The following KCNJ6 variants were observed in gnomAD, a reference collection of about 807,000 sequenced individuals.
KCNJ6 encodes the protein G protein-activated inward rectifier potassium channel 2.
KCNJ6 carries 9 observed loss-of-function variants against 34.2 expected under a neutral mutation model. The observed-to-expected ratio is 0.26, with a 90% CI of 0.16 to 0.46. The LOEUF (loss-of-function observed/expected upper bound fraction) is 0.46. Among genes scored for constraint, KCNJ6 ranks in the 20% least tolerant of loss-of-function variants. The pLI is 1.00. For synonymous variants in KCNJ6, 196 were observed against 207.1 expected, an observed-to-expected ratio of 0.95 and a Z score of 0.46; for missense variants, 236 against 531.3, an observed-to-expected ratio of 0.44 and a Z score of 5.46.
chr21:37,685,353 G>T (rs902022642), intron 3 of KCNJ6, among the ~76,000 whole-genome samples: 135 of 151,068 alleles, frequency 8.9e-4, no homozygotes, highest in Non-Finnish European at 1.4e-3. Context: ...AGCAAAATAT[G>T]CATATCCTCT....
Position 37,611,897 on chromosome 21 carries a change from C to A in KCNJ6, c.*13262G>T, listed in dbSNP as rs957249015. The A allele has an allele frequency of 6.6e-6, 1 of 151,690 alleles. No homozygotes were observed. The highest frequency in any genetic ancestry group is 2.4e-5 in the African/African-American group (1 of 41,320). The allele number at this position is 151,690 out of a possible 1,614,324, so 9.4% of individuals were successfully genotyped here. A position where few individuals can be genotyped will look rare whatever the true frequency, so the allele number is the denominator to read the frequency against. Reference sequence around the variant, plus strand: ...TACTAAATGGCGTGATGGTGAGAAACCTGAAGCTGTCTCACTAAGATCAGG... The same window carrying A: ...TACTAAATGGCGTGATGGTGAGAAAACTGAAGCTGTCTCACTAAGATCAGG... On this transcript the variant is annotated 3_prime_UTR_variant, in exon 4 of 4. Coordinates refer to ENST00000609713, the MANE Select transcript of KCNJ6 (RefSeq NM_002240.5).
At chr21:37,868,214 G>A (rs2055632655) in intron 1 of KCNJ6, among the ~76,000 whole-genome samples, 1 of 152,168 alleles carries the variant, frequency 6.6e-6, no homozygotes. Flanking sequence ...GTGGAGGGTA[G>A]CACATTCTCC....
chr21:37,771,911 G>A (rs911802301), intron 2 of KCNJ6, among the ~76,000 whole-genome samples: 5 of 152,156 alleles, frequency 3.3e-5, no homozygotes, highest in African/African-American at 1.2e-4. Flanking sequence ...TACTGGGCAT[G>A]AGAGGTCCAA....
chr21:37,674,316 A>G (rs1170094690), intron 3 of KCNJ6, among the ~76,000 whole-genome samples: 1 of 152,162 alleles, frequency 6.6e-6, no homozygotes, highest in Non-Finnish European at 1.5e-5. Context: ...CCTCAGTCCC[A>G]AGCAAATGAG....
chr21:37,865,120 A>G (rs2055616053), intron 1 of KCNJ6, among the ~76,000 whole-genome samples: 1 of 152,170 alleles, frequency 6.6e-6, no homozygotes, highest in Non-Finnish European at 1.5e-5. Flanking sequence ...CCTGACCCCA[A>G]ACATAATTTG....
chr21:37,782,927 C>T (rs1349580501), intron 2 of KCNJ6, among the ~76,000 whole-genome samples: 1 of 152,302 alleles, frequency 6.6e-6, no homozygotes, highest in East Asian at 1.9e-4. Flanking sequence ...CATCTTGACT[C>T]ACCTCCCAGT....
intron 3 of KCNJ6, among the ~76,000 whole-genome samples, chr21:37,712,575 T>TTCTCCTCCTCTC (rs2054762328): frequency 6.1e-5 from 3 of 49,452 alleles, no homozygotes; most frequent in African/African-American, 2.1e-4. Context: ...CTCCTCCTCT[T>TTCTCCTCCTCTC]CTTCCTCCCT....
At chr21:37,853,866 T>G (rs13046160) in intron 1 of KCNJ6, among the ~76,000 whole-genome samples, 2 of 41,450 alleles carry the variant, frequency 4.8e-5, no homozygotes, top group African/African-American at 4.0e-4. Context: ...ATATATAAAT[T>G]ACATTGTGTA....
intron 2 of KCNJ6, among the ~76,000 whole-genome samples, chr21:37,767,846 A>C (rs2055098926): frequency 6.6e-6 from 1 of 152,200 alleles, no homozygotes; most frequent in Admixed American, 6.5e-5. Context: ...TTTAATTTTC[A>C]TGTTTCCACT....
chr21:37,688,414 G>GT lies in KCNJ6; in HGVS notation c.946+25796dup, dbSNP rs547490782. Among the ~76,000 whole-genome samples the GT allele has an allele frequency of 7.1e-4, 107 of 150,394 alleles. 1 individual carries two copies. Among genetic ancestry groups the GT allele is most frequent in the South Asian group, 2.3e-3 (11 of 4,730 alleles). On this transcript the variant is annotated intron_variant, in intron 3 of 3. Transcript: ENST00000609713. Reference sequence around the variant, plus strand: ...TACTACATTCTAGATTCTATGCTATGTTTTTTTTTATCATCTAATTTAATA... The same window carrying GT: ...TACTACATTCTAGATTCTATGCTATGTTTTTTTTTTATCATCTAATTTAATA...
At chr21:37,739,349 G>A (rs2054928374) in intron 2 of KCNJ6, among the ~76,000 whole-genome samples, 1 of 152,194 alleles carries the variant, frequency 6.6e-6, no homozygotes, top group Non-Finnish European at 1.5e-5. Flanking sequence ...AGGAACGCCA[G>A]CTCTTAGCAT....
At chr21:37,896,483 A>C (rs1314604306) in intron 1 of KCNJ6, among the ~76,000 whole-genome samples, 3 of 152,154 alleles carry the variant, frequency 2.0e-5, no homozygotes, top group African/African-American at 7.2e-5. Flanking sequence ...CCTGCCTGGC[A>C]TGGGGTTCGG....
chr21:37,854,445 A>G (rs1183716216), intron 1 of KCNJ6, among the ~76,000 whole-genome samples: 1 of 152,222 alleles, frequency 6.6e-6, no homozygotes, highest in African/African-American at 2.4e-5. Flanking sequence ...GAGCTAAAAA[A>G]TTGATCTAAT....
chr21:37,674,172 A>T (rs904388102), intron 3 of KCNJ6, among the ~76,000 whole-genome samples: 2 of 152,150 alleles, frequency 1.3e-5, no homozygotes, highest in African/African-American at 4.8e-5. Context: ...CCCCAATGTC[A>T]GCTCTCAGCT....
chr21:37,708,230 G>A (rs1322068806), intron 3 of KCNJ6, among the ~76,000 whole-genome samples: 1 of 152,196 alleles, frequency 6.6e-6, no homozygotes, highest in Non-Finnish European at 1.5e-5. Context: ...GAGTTATAAT[G>A]CTAGGTTTCT....
intron 2 of KCNJ6, among the ~76,000 whole-genome samples, chr21:37,839,220 A>AAG (rs1387073802): frequency 2.0e-5 from 3 of 152,192 alleles, no homozygotes; most frequent in Non-Finnish European, 2.9e-5. Context: ...TTCAGTTTGC[A>AAG]AGACTACAGG....
chr21:37,765,051 AAAATT>A (rs1407233864), intron 2 of KCNJ6, among the ~76,000 whole-genome samples: 2 of 152,250 alleles, frequency 1.3e-5, no homozygotes, highest in Non-Finnish European at 2.9e-5. Context: ...GGCTATTTTC[AAAATT>A]AAATTATATA....
At chr21:37,846,743 C>T (rs572481813) in intron 1 of KCNJ6, among the ~76,000 whole-genome samples, 28 of 152,210 alleles carry the variant, frequency 1.8e-4, no homozygotes, top group African/African-American at 5.8e-4. Context: ...AACATTTATG[C>T]AAAGTAGGAA....
At chr21:37,729,059 G>A (rs990044523) in intron 2 of KCNJ6, among the ~76,000 whole-genome samples, 1 of 152,168 alleles carries the variant, frequency 6.6e-6, no homozygotes, top group African/African-American at 2.4e-5. Flanking sequence ...AGTCATAGGT[G>A]TATGTGGTAG....
Sources: gnomAD v4.1 joint callset for allele counts (sites outside exome capture counted in the v4.1 genomes callset) on GRCh38, gnomAD v4.1.1 for gene constraint, MANE v1.5 for transcripts, NCBI Gene and HGNC (gene_info 2026-07-23, HGNC 2026-07-21) for gene names.